The following ZNF568 variants were observed in gnomAD, a reference collection of about 807,000 sequenced individuals.
ZNF568 encodes the protein p53 inhibitor of SCO2 activation.
Under a neutral mutation model 18.1 loss-of-function variants are expected in ZNF568, and 11 were observed. The ratio of observed to expected loss-of-function variants is 0.61; its 90% confidence interval spans 0.38 to 1.00. The LOEUF (loss-of-function observed/expected upper bound fraction) is 1.00. Among genes scored for constraint, ZNF568 ranks in the 50% least tolerant of loss-of-function variants. The pLI is 0.01. For synonymous variants in ZNF568, 213 were observed against 246.6 expected (o/e 0.86, Z 1.28); for missense variants, 639 against 768.2 (o/e 0.83, Z 1.99).
At chr19:36,959,600 T>C (rs528696778) in intron 6 of ZNF568, among the ~76,000 whole-genome samples, 7 of 152,328 alleles carry the variant, frequency 4.6e-5, no homozygotes, top group African/African-American at 1.7e-4. Context: ...AGTTTTTCTT[T>C]GTATGGTATA....
intron 4 of ZNF568, among the ~76,000 whole-genome samples, chr19:36,994,669 GTGT>G (rs559836005): frequency 4.3e-4 from 66 of 152,086 alleles, no homozygotes; most frequent in African/African-American, 1.1e-3. Flanking sequence ...TCTGATTTGT[GTGT>G]TGTTGTTGTT....
chr19:36,917,925 C>A (rs2073374919), intron 2 of ZNF568, among the ~76,000 whole-genome samples: 1 of 152,000 alleles, frequency 6.6e-6, no homozygotes, highest in Non-Finnish European at 1.5e-5. Flanking sequence ...ATATTATTTT[C>A]TTCTAGTTTT....
At chr19:36,956,710 C>T (rs1287496454), downstream of ZNF568, among the ~76,000 whole-genome samples, 1 of 152,024 alleles carries the variant, frequency 6.6e-6, no homozygotes, top group African/African-American at 2.4e-5. Flanking sequence ...GATTCTCATG[C>T]CTCAGCCTTC....
chr19:36,948,658 A>ATTTTTTTTTTTTTTTTTTTTTTTGTTT (rs2074005716), intron 6 of ZNF568, among the ~76,000 whole-genome samples: 1 of 83,576 alleles, frequency 1.2e-5, no homozygotes, highest in Non-Finnish European at 2.2e-5. Flanking sequence ...TTTGTTGTTG[A>ATTTTTTTTTTTTTTTTTTTTTTTGTTT]TTTTTTTTTT....
intron 4 of ZNF568, among the ~76,000 whole-genome samples, chr19:36,929,123 G>GA (rs35777999): frequency 1.3e-5 from 2 of 151,574 alleles, no homozygotes; most frequent in Admixed American, 1.3e-4. Context: ...TAACTTTAGG[G>GA]AAAAAAAAAT....
At chr19:36,961,528 GTTA>G (rs1054411836) in intron 6 of ZNF568, among the ~76,000 whole-genome samples, 18 of 151,626 alleles carry the variant, frequency 1.2e-4, no homozygotes, top group African/African-American at 1.5e-4. Flanking sequence ...TATATTCAAA[GTTA>G]TTATTATTAT....
At chr19:36,945,777 G>T (rs1472425035) in intron 6 of ZNF568, among the ~76,000 whole-genome samples, 1 of 151,492 alleles carries the variant, frequency 6.6e-6, no homozygotes, top group Non-Finnish European at 1.5e-5. Flanking sequence ...ATGTGTGTGT[G>T]TTTTTTTAAA....
At chr19:36,965,605 C>T (rs370816558) in intron 6 of ZNF568, among the ~76,000 whole-genome samples, 34 of 152,012 alleles carry the variant, frequency 2.2e-4, no homozygotes, top group African/African-American at 7.2e-4. Flanking sequence ...TTTTCTTGCC[C>T]GTAATGCTGC....
intron 4 of ZNF568, among the ~76,000 whole-genome samples, chr19:36,933,786 T>G (rs2073729508): frequency 6.6e-6 from 1 of 152,004 alleles, no homozygotes; most frequent in Non-Finnish European, 1.5e-5. Flanking sequence ...CCCCTCCTTT[T>G]ATTCATCCTC....
chr19:36,940,737 G>A lies in ZNF568; in HGVS notation c.358+3495G>A, dbSNP rs548872284. On this transcript the variant is annotated intron_variant, in intron 6 of 6. Transcript: ENST00000333987. Reference sequence around the variant, plus strand: ...CCTAGAAAGTTTTAAGAGAAGGGCTGTAGAAGGAGTAACAAGATTGAGGCT... The same window carrying A: ...CCTAGAAAGTTTTAAGAGAAGGGCTATAGAAGGAGTAACAAGATTGAGGCT... Among the ~76,000 whole-genome samples, 4 of 152,340 alleles carry A rather than the reference G, an allele frequency of 2.6e-5. No homozygotes were observed. The East Asian group carries it at 5.8e-4, about 22-fold the overall frequency.
chr19:36,949,996 T>C lies in ZNF568; in HGVS notation c.843T>C (p.Asn281=), dbSNP rs2074030620. 1 of 1,613,896 alleles carries C rather than the reference T, an allele frequency of 6.2e-7. No individual in the cohort carries two copies. The highest frequency in any genetic ancestry group is 1.1e-5 in the South Asian group (1 of 91,064). ...CTGGGGAAAAACCGTATAAGTGTAA[T>C]GAATGTGGAAAAGCTTTCATTCAGA... ...IHTGEKPYKC[N]ECGKAFIQMS... is the part of the protein sequence containing the mutation. The change falls in exon 7 of 7, where the codon AAT becomes AAC. Residue 281 remains asparagine, a synonymous_variant. Coordinates refer to ENST00000333987, the MANE Select transcript of ZNF568 (RefSeq NM_198539.4).
intron 2 of ZNF568, among the ~76,000 whole-genome samples, chr19:36,988,559 A>G (rs1057069253): frequency 2.6e-5 from 4 of 152,168 alleles, no homozygotes; most frequent in Non-Finnish European, 2.9e-5. Context: ...AGAACTTACT[A>G]TCATGAGAAC....
In ZNF568 at chr19:36,972,656, C is replaced by T. The variant is rs73041126; in HGVS notation, c.359-1764C>T. On this transcript the variant is annotated intron_variant, in intron 6 of 7. Coordinates refer to the ZNF568 transcript ENST00000427117. ...GGGATTGTGGCCCAGGTCAGTGAAG[C>T]CCCAGGTCCGGGCCGACTCCTAATT... Among the ~76,000 whole-genome samples the T allele has an allele frequency of 2.7e-3, 405 of 151,956 alleles. 4 individuals are homozygous for T. The highest frequency in any genetic ancestry group is 5.0e-3 in the Non-Finnish European group (341 of 67,958).
intron 5 of ZNF568, 131 bp downstream of exon 5, chr19:36,937,003 A>G: frequency 7.4e-7 from 1 of 1,359,762 alleles, no homozygotes; most frequent in Non-Finnish European, 1.0e-6. Flanking sequence ...TCCACTCTTC[A>G]GTGTTAAAGG....
intron 4 of ZNF568, among the ~76,000 whole-genome samples, chr19:36,927,860 G>GTA (rs1219440874): frequency 0.057 from 1,797 of 31,802 alleles, 50 homozygotes; most frequent in Non-Finnish European, 0.069. Flanking sequence ...GTGTGTGTGT[G>GTA]TATATATATA....
intron 2 of ZNF568, among the ~76,000 whole-genome samples, chr19:36,919,329 C>T (rs1252110324): frequency 6.6e-6 from 1 of 151,972 alleles, no homozygotes; most frequent in East Asian, 1.9e-4. Flanking sequence ...TAGTCATGTG[C>T]CATATATGTA....
intron 4 of ZNF568, among the ~76,000 whole-genome samples, chr19:36,930,350 C>T (rs1042246172): frequency 2.6e-5 from 4 of 151,928 alleles, no homozygotes; most frequent in South Asian, 2.1e-4. Flanking sequence ...GCTGGGACTA[C>T]AGACGCTCGC....
chr19:36,920,697 T>G (rs2073438119), intron 2 of ZNF568, among the ~76,000 whole-genome samples: 1 of 151,702 alleles, frequency 6.6e-6, no homozygotes, highest in South Asian at 2.1e-4. Flanking sequence ...TTTGAAGAAA[T>G]AAAAATTTTA....
At chr19:36,988,092 T>C (rs146378901) in intron 2 of ZNF568, among the ~76,000 whole-genome samples, 11 of 152,160 alleles carry the variant, frequency 7.2e-5, no homozygotes, top group East Asian at 5.8e-4. Context: ...CTCTCCTTCA[T>C]TGAATGCATT....
Sources: allele counts gnomAD v4.1 joint callset (sites outside exome capture counted in the v4.1 genomes callset), GRCh38; gene constraint gnomAD v4.1.1; transcripts MANE v1.5; gene names NCBI Gene and HGNC (gene_info 2026-07-23, HGNC 2026-07-21).